The following ANKRD30A variants were observed in gnomAD, a reference collection of about 807,000 sequenced individuals.
ANKRD30A encodes ankyrin repeat domain-containing protein 30A.
A neutral mutation model predicts 166.3 loss-of-function variants in ANKRD30A; 170 were observed. The observed-to-expected ratio is 1.02, with a 90% CI of 0.90 to 1.16. ANKRD30A has a LOEUF of 1.16. Among genes scored for constraint, ANKRD30A ranks in the 50% most tolerant of loss-of-function variants. The pLI is 0.00. For synonymous variants in ANKRD30A, 564 were observed against 508.9 expected (o/e 1.11, Z -1.46); for missense variants, 1,630 against 1,518.0 (o/e 1.07, Z -1.23).
chr10:37,137,699 G>A (rs2132522919), intron 6 of ANKRD30A, among the ~76,000 whole-genome samples: 1 of 152,306 alleles, frequency 6.6e-6, no homozygotes, highest in African/African-American at 2.4e-5. Context: ...CATTGCCGAG[G>A]CTTGAGTAGG....
At chr10:37,137,692 T>G (rs1450674961) in intron 6 of ANKRD30A, among the ~76,000 whole-genome samples, 3 of 152,124 alleles carry the variant, frequency 2.0e-5, no homozygotes, top group African/African-American at 7.2e-5. Flanking sequence ...CGCTTACCAT[T>G]GCCGAGGCTT....
At chr10:37,172,592 G>A (rs868726629) in intron 21 of ANKRD30A, among the ~76,000 whole-genome samples, 3 of 132,892 alleles carry the variant, frequency 2.3e-5, no homozygotes, top group African/African-American at 8.0e-5. Flanking sequence ...GTCAGGTAAC[G>A]GGACAAACAA....
chr10:37,142,624 C>G (rs1468592428), intron 7 of ANKRD30A, among the ~76,000 whole-genome samples: 1 of 136,126 alleles, frequency 7.3e-6, no homozygotes, highest in Admixed American at 8.2e-5. Context: ...TCGAACTGTC[C>G]CCTGGGCTGG....
chr10:37,147,685 A>T (rs1398534270), intron 9 of ANKRD30A, among the ~76,000 whole-genome samples: 4 of 152,172 alleles, frequency 2.6e-5, no homozygotes, highest in African/African-American at 9.7e-5. Context: ...ATACTCTAGG[A>T]CATGACGAAA....
chr10:37,234,599 T>C (rs778564023), downstream of ANKRD30A, among the ~76,000 whole-genome samples: 21 of 152,214 alleles, frequency 1.4e-4, no homozygotes, highest in Non-Finnish European at 2.2e-4. Context: ...CCTCCAAAAA[T>C]TGTATTATTT....
chr10:37,153,203 A>T (rs1028523754), intron 12 of ANKRD30A, among the ~76,000 whole-genome samples: 2 of 152,198 alleles, frequency 1.3e-5, no homozygotes, highest in Non-Finnish European at 2.9e-5. Context: ...GGCAAGTAGC[A>T]AATGTGTTGT....
At chr10:37,191,756 GA>G (rs1275301989) in intron 25 of ANKRD30A, among the ~76,000 whole-genome samples, 3 of 151,890 alleles carry the variant, frequency 2.0e-5, no homozygotes, top group African/African-American at 7.3e-5. Context: ...AGCACTTTGG[GA>G]GGCAAAGGTG....
intron 11 of ANKRD30A, 21 bp downstream of exon 11, chr10:37,149,870 A>G (rs754369971): frequency 6.2e-7 from 1 of 1,611,702 alleles, no homozygotes; most frequent in Admixed American, 1.7e-5. Flanking sequence ...CAATTTAACT[A>G]TGCAAAGACG....
intron 18 of ANKRD30A, 109 bp downstream of exon 18, chr10:37,165,264 T>A (rs1034677707): frequency 1.9e-6 from 2 of 1,053,566 alleles, no homozygotes; most frequent in Admixed American, 2.3e-5. Context: ...ACCCTCAAAT[T>A]ATTTTTGATG....
In ANKRD30A at chr10:37,141,727, C is replaced by T. The variant is rs1386141355; in HGVS notation, c.830C>T (p.Ser277Phe). ...NHQNTNPEGT[S>F]AGTPDEAAPL... ...ATTGTGTGTTTGGCAGAAGGAACAT[C>T]TGCAGGAACACCTGATGAGGCTGCA... is the stretch of plus-strand genomic sequence containing the variant. Residue 277 changes from serine (S) to phenylalanine (F), a missense_variant, in exon 7 of 36, where the codon TCT becomes TTT. By Grantham distance (155) the Ser-to-Phe change is radical. Around this residue, in one of 4 missense-constraint regions of ANKRD30A, gnomAD observed 904 missense variants for 818.5 expected, o/e 1.10. Coordinates refer to ENST00000361713, the MANE Select transcript of ANKRD30A (RefSeq NM_052997.3). The T allele has an allele frequency of 6.2e-7, 1 of 1,611,750 alleles. No individual in the cohort carries two copies.
rs776148429 is a variant in ANKRD30A at position 37,229,186 on chromosome 10, G to A, written c.4186-2275G>A. Among the ~76,000 whole-genome samples, 13 of 151,964 alleles carry A rather than the reference G, an allele frequency of 8.6e-5. 1 individual carries two copies. The highest frequency in any genetic ancestry group is 1.8e-4 in the Non-Finnish European group (12 of 67,964). ...AATGGAATATGGTAAGAGGTATACC[G>A]TGAGATTTGCAACATTAGTTTAGAA... On this transcript the variant is annotated intron_variant, in intron 34 of 35. Transcript: ENST00000361713.
chr10:37,149,277 C>T (rs117525070), intron 9 of ANKRD30A, among the ~76,000 whole-genome samples: 9,127 of 151,960 alleles, frequency 0.06, 391 homozygotes, highest in Middle Eastern at 0.11. Flanking sequence ...TGTACTTTTC[C>T]AAAGATAGGC....
intron 13 of ANKRD30A, among the ~76,000 whole-genome samples, chr10:37,153,932 T>C (rs1838161540): frequency 6.6e-6 from 1 of 152,054 alleles, no homozygotes; most frequent in Non-Finnish European, 1.5e-5. Flanking sequence ...AATGTAGTAA[T>C]AGAGTAACTG....
the ANKRD30A span, among the ~76,000 whole-genome samples, chr10:37,262,810 T>C: frequency 8.5e-5 from 13 of 152,132 alleles, no homozygotes; most frequent in African/African-American, 3.1e-4. Context: ...AGCATATACA[T>C]ACACAAATAT....
intron 32 of ANKRD30A, 86 bp downstream of exon 32, chr10:37,216,480 C>T (rs1842615695): frequency 4.6e-6 from 6 of 1,308,522 alleles, no homozygotes; most frequent in Non-Finnish European, 5.2e-6. Flanking sequence ...GACTTACCTT[C>T]TGAGGTTTTA....
At position 37,197,302 on chromosome 10, in the gene ANKRD30A, C is replaced by T. The variant is rs754825360; in HGVS notation, c.2636C>T (p.Ala879Val). Reference protein sequence around the residue: ...FKAEPPEKPSAFEPAIEMQKS... With the variant: ...FKAEPPEKPSVFEPAIEMQKS... ...TTAGAGCCTCCCGAGAAGCCATCTGCCTTCGAGGTATTTAGTTTTATGATT... is the reference window on the plus strand; with the variant it reads ...TTAGAGCCTCCCGAGAAGCCATCTGTCTTCGAGGTATTTAGTTTTATGATT... The change falls in exon 28 of 36, where the codon GCC (alanine) becomes GTC (valine). Residue 879 changes from alanine to valine, a missense_variant. Around this residue, in one of 4 missense-constraint regions of ANKRD30A, gnomAD observed 712 missense variants for 629.3 expected, o/e 1.13. Transcript: ENST00000361713. 2.1e-5 allele frequency: 34 copies of T among 1,613,064 alleles called. No homozygotes were observed. In the South Asian group the frequency reaches 3.4e-4, roughly 16 times the overall value.
At chr10:37,166,751 G>A (rs984928562) in intron 19 of ANKRD30A, 56 bp downstream of exon 19, 9 of 1,607,204 alleles carry the variant, frequency 5.6e-6, no homozygotes, top group African/African-American at 4.0e-5. Flanking sequence ...CTAAACTGAT[G>A]AGGAAGGATA....
chr10:37,216,343 CA>C lies in ANKRD30A; in HGVS notation c.3033del (p.Gln1012SerfsTer2), dbSNP rs1377588454. ...KKLSEAKEIK[S>X]QLENQKVKWE... ...CTGTCAGAAGCAAAAGAAATAAAAT[CA>C]CAGTTAGAGAACCAAAAAGTTAAAT... On this transcript the variant is annotated frameshift_variant, in exon 32 of 36. Transcript: ENST00000361713. LOFTEE classifies it high-confidence loss of function. 1.9e-6 allele frequency: 3 copies of C among 1,608,038 alleles called. No homozygotes were observed. Among genetic ancestry groups the C allele is most frequent in the Non-Finnish European group, 2.6e-6 (3 of 1,176,200 alleles).
intron 28 of ANKRD30A, 27 bp from the exon 29 acceptor site, chr10:37,197,380 TA>T (rs1841219460): frequency 1.9e-6 from 3 of 1,612,576 alleles, no homozygotes; most frequent in Non-Finnish European, 2.5e-6. Context: ...CATTCTTTAT[TA>T]ATCATTTTGC....
Sources: allele counts gnomAD v4.1 joint callset (sites outside exome capture counted in the v4.1 genomes callset), GRCh38; gene constraint gnomAD v4.1.1; regional missense constraint gnomAD v4.1.1; transcripts MANE v1.5; gene names NCBI Gene and HGNC (gene_info 2026-07-23, HGNC 2026-07-21).